The following GRAMD2B variants were observed in gnomAD, a reference collection of about 807,000 sequenced individuals.
The protein encoded by GRAMD2B is GRAM domain containing 2B, also known as GRAM domain-containing protein 2B.
In GRAMD2B, 41 loss-of-function variants were observed where a neutral mutation model predicts 59.2. That is an observed-to-expected ratio of 0.69 (90% CI 0.54 to 0.90). The LOEUF (loss-of-function observed/expected upper bound fraction) is 0.90. Among genes scored for constraint, GRAMD2B ranks in the 40% least tolerant of loss-of-function variants. GRAMD2B has a pLI of 0.00. For synonymous variants in GRAMD2B, 161 were observed against 182.7 expected (o/e 0.88, Z 0.96); for missense variants, 424 against 500.5 (o/e 0.85, Z 1.46).
chr5:126,480,786 CA>C lies in GRAMD2B; in HGVS notation c.735+80del. On this transcript the variant is annotated intron_variant, in intron 8 of 13. Coordinates refer to ENST00000285689, the MANE Select transcript of GRAMD2B (RefSeq NM_023927.4). ...ATTACACTTGTGCTTACACCATGAC[CA>C]GGGTGTGGGAAGAGCTTAGGACCAA... 6 of 1,326,602 alleles carry C rather than the reference CA, an allele frequency of 4.5e-6. No homozygotes were observed. The South Asian group carries it at 5.9e-5, about 13-fold the overall frequency. 82.2% of individuals were successfully genotyped at this position (1,326,602 alleles called of 1,614,324 possible).
At position 126,472,232 on chromosome 5, in the gene GRAMD2B, T is replaced by C; in HGVS notation, c.316-6T>C. 1.2e-6 allele frequency: 2 copies of C among 1,609,630 alleles called. No individual in the cohort carries two copies. The highest frequency in any genetic ancestry group is 1.7e-6 in the Non-Finnish European group (2 of 1,176,186). On this transcript the variant is annotated splice_region_variant and splice_polypyrimidine_tract_variant and intron_variant, in intron 3 of 13. Transcript: ENST00000285689. ...TGGTGATGCTTGTATTTTGTTCTCATTGTAGTACAAGGCCAATATGCACTT... is the reference window on the plus strand; with the variant it reads ...TGGTGATGCTTGTATTTTGTTCTCACTGTAGTACAAGGCCAATATGCACTT...
chr5:126,443,848 G>A (rs1402375101), intron 1 of GRAMD2B, among the ~76,000 whole-genome samples: 3 of 152,204 alleles, frequency 2.0e-5, no homozygotes, highest in South Asian at 2.1e-4. Context: ...TCAAGAGTTC[G>A]AGACCAGCCT....
At chr5:126,485,566 T>A (rs1772740242) in intron 10 of GRAMD2B, 120 bp from the exon 11 acceptor site, 1 of 605,224 alleles carries the variant, frequency 1.7e-6, no homozygotes, top group South Asian at 2.2e-5. Flanking sequence ...GACTTGATAT[T>A]TTCTCTGATT....
chr5:126,361,672 G>A (rs1355914608), intron 1 of GRAMD2B, among the ~76,000 whole-genome samples: 1 of 152,064 alleles, frequency 6.6e-6, no homozygotes, highest in Non-Finnish European at 1.5e-5. Context: ...AAACTGCCCA[G>A]GGCTCTGCAG....
At position 126,480,832 on chromosome 5, in the gene GRAMD2B, A is replaced by C. The variant is rs990124353; in HGVS notation, c.735+125A>C. On this transcript the variant is annotated intron_variant, in intron 8 of 13. Coordinates refer to ENST00000285689, the MANE Select transcript of GRAMD2B (RefSeq NM_023927.4). ...GACCAAAATATTTGAGGTACAGTTG[A>C]AGAAACAGGGCATATCTTCCTTGAA... The C allele has an allele frequency of 9.3e-6, 7 of 754,294 alleles. No homozygotes were observed. The Admixed American group carries it at 1.3e-4, about 14-fold the overall frequency. The allele number at this position is 754,294 out of a possible 1,614,324, so 46.7% of individuals were successfully genotyped here.
At chr5:126,374,690 AC>A (rs1320469493) in intron 1 of GRAMD2B, among the ~76,000 whole-genome samples, 1 of 152,168 alleles carries the variant, frequency 6.6e-6, no homozygotes, top group Non-Finnish European at 1.5e-5. Flanking sequence ...TGTGTTTAGA[AC>A]GTATTTCCTT....
At chr5:126,370,286 G>A (rs1754680631), upstream of GRAMD2B, among the ~76,000 whole-genome samples, 1 of 152,218 alleles carries the variant, frequency 6.6e-6, no homozygotes, top group Admixed American at 6.5e-5. Flanking sequence ...ACCTGTCCCT[G>A]CCAGGTTAGC....
At chr5:126,412,132 A>C (rs1196702580) in intron 1 of GRAMD2B, among the ~76,000 whole-genome samples, 1 of 151,976 alleles carries the variant, frequency 6.6e-6, no homozygotes, top group Non-Finnish European at 1.5e-5. Context: ...TCTGACGAGG[A>C]CTTCCAGAAC....
chr5:126,413,378 A>G (rs920524157), intron 1 of GRAMD2B, among the ~76,000 whole-genome samples: 4 of 152,184 alleles, frequency 2.6e-5, no homozygotes, highest in Non-Finnish European at 5.9e-5. Flanking sequence ...GTAATTCAGA[A>G]GCAAGTTTTT....
rs1337763160 is a variant in GRAMD2B, at chr5:126,440,462, G to C, written c.83+16773G>C. On this transcript the variant is annotated intron_variant, in intron 1 of 13. Transcript: ENST00000285689. ...TCATGATGAAGCTATCCTAATGAAGGTTCAGAAGGAAATCCAAATATATCT... is the reference window on the plus strand; with the variant it reads ...TCATGATGAAGCTATCCTAATGAAGCTTCAGAAGGAAATCCAAATATATCT... 2.0e-5 allele frequency among the ~76,000 whole-genome samples: 3 copies of C among 152,114 alleles called. No homozygotes were observed. In the South Asian group the frequency reaches 6.2e-4, roughly 32 times the overall value.
At chr5:126,492,390 C>T (rs1581316668) in intron 13 of GRAMD2B, among the ~76,000 whole-genome samples, 1 of 144,824 alleles carries the variant, frequency 6.9e-6, no homozygotes, top group South Asian at 2.2e-4. Flanking sequence ...GCCATTCTCT[C>T]TTTTTTTTTT....
intron 10 of GRAMD2B, among the ~76,000 whole-genome samples, chr5:126,485,012 G>A (rs185716225): frequency 6.6e-6 from 1 of 152,180 alleles, no homozygotes; most frequent in Admixed American, 6.5e-5. Context: ...CTTACAGTGG[G>A]GGATACAAAA....
At chr5:126,439,314 GT>G (rs1762914904) in intron 1 of GRAMD2B, among the ~76,000 whole-genome samples, 1 of 140,340 alleles carries the variant, frequency 7.1e-6, no homozygotes, top group Non-Finnish European at 1.5e-5. Flanking sequence ...TTGTTTCTTT[GT>G]TTTTTGGTTT....
chr5:126,459,659 G>A (rs1425049383), intron 1 of GRAMD2B, among the ~76,000 whole-genome samples: 1 of 151,814 alleles, frequency 6.6e-6, no homozygotes, highest in African/African-American at 2.4e-5. Flanking sequence ...AAATGAAACT[G>A]TAGTGGAATA....
At chr5:126,419,362 T>C (rs1759523591), upstream of GRAMD2B, among the ~76,000 whole-genome samples, 1 of 151,820 alleles carries the variant, frequency 6.6e-6, no homozygotes, top group South Asian at 2.1e-4. Context: ...GGGGAGGTGC[T>C]ACACACTTTC....
At chr5:126,430,978 G>A (rs1204422646) in intron 1 of GRAMD2B, among the ~76,000 whole-genome samples, 1 of 152,026 alleles carries the variant, frequency 6.6e-6, no homozygotes, top group Non-Finnish European at 1.5e-5. Context: ...TCCCATATGG[G>A]TTGATATTTT....
chr5:126,458,616 G>A (rs4587074), intron 1 of GRAMD2B, among the ~76,000 whole-genome samples: 131,012 of 152,078 alleles, frequency 0.86, 57,717 homozygotes, highest in East Asian at 0.99. Flanking sequence ...TACCACGGTT[G>A]TATATAACTA....
intron 1 of GRAMD2B, among the ~76,000 whole-genome samples, chr5:126,388,587 A>G (rs908846337): frequency 6.6e-6 from 1 of 151,756 alleles, no homozygotes; most frequent in Admixed American, 6.6e-5. Flanking sequence ...TATGAATATG[A>G]AATTTATTCC....
At chr5:126,438,974 G>T (rs974640007) in intron 1 of GRAMD2B, among the ~76,000 whole-genome samples, 1 of 152,152 alleles carries the variant, frequency 6.6e-6, no homozygotes, top group African/African-American at 2.4e-5. Context: ...GCAGATATGG[G>T]GATATTAGAG....
Sources: allele counts gnomAD v4.1 joint callset (sites outside exome capture counted in the v4.1 genomes callset), GRCh38; gene constraint gnomAD v4.1.1; transcripts MANE v1.5; gene names NCBI Gene and HGNC (gene_info 2026-07-23, HGNC 2026-07-21).